The following DIDO1 variants were observed in gnomAD, a reference collection of about 807,000 sequenced individuals.
DIDO1 encodes the protein death-inducer obliterator 1.
In DIDO1, 16 loss-of-function variants were observed where a neutral mutation model predicts 99.4. The ratio of observed to expected loss-of-function variants is 0.16; its 90% CI spans 0.11 to 0.24. The LOEUF (loss-of-function observed/expected upper bound fraction) is 0.24. Ranked by LOEUF, DIDO1 falls within the 10% of genes least tolerant of loss-of-function variation. The pLI is 1.00. For synonymous variants in DIDO1, 1,366 were observed against 1,239.1 expected (o/e 1.10, Z -2.15); for missense variants, 2,996 against 3,014.0 (o/e 0.99, Z 0.14).
intron 15 of DIDO1, among the ~76,000 whole-genome samples, chr20:62,885,612 G>A (rs1405554612): frequency 6.6e-6 from 1 of 152,172 alleles, no homozygotes; most frequent in African/African-American, 2.4e-5. Flanking sequence ...AAACACTGGT[G>A]ACTGAATAAA....
Position 62,880,397 on chromosome 20 carries a change from C to T in DIDO1, c.5559G>A (p.Arg1853=), listed in dbSNP as rs750955915. 3.1e-6 allele frequency: 5 copies of T among 1,612,748 alleles called. No homozygotes were observed. Among genetic ancestry groups the T allele is most frequent in the Middle Eastern group, 1.6e-4 (1 of 6,082 alleles). ...EERKDPHGEK[R]EFQDAPYNEV... is the part of the protein sequence containing the mutation. ...CGTTATACGGGGCGTCCTGGAACTC[C>T]CTCTTCTCCCCATGGGGATCCTTGC... The change falls in exon 16 of 16, where the codon AGG becomes AGA. Residue 1853 remains arginine, a synonymous_variant. Coordinates refer to ENST00000395343, the MANE Select transcript of DIDO1 (RefSeq NM_001193369.2).
Position 62,894,402 on chromosome 20 carries a change from A to G in DIDO1, c.2572+11T>C. On this transcript the variant is annotated intron_variant, in intron 11 of 15. Transcript: ENST00000395343. The surrounding 1 kb of genome is among the most constrained non-coding windows in gnomAD (Gnocchi z 4.4). The stretch of plus-strand genomic sequence containing the variant: ...TCAGCTCCAAGGCTCCATCCCCTGC[A>G]CTGTGCTCACCTGTGCAAATTTTAC... 2 of 1,610,692 alleles carry G rather than the reference A, an allele frequency of 1.2e-6. No homozygotes were observed. The highest frequency in any genetic ancestry group is 1.7e-6 in the Non-Finnish European group (2 of 1,179,816).
intron 15 of DIDO1, chr20:62,887,152 G>A (rs953281004): frequency 1.0e-6 from 1 of 985,362 alleles, no homozygotes; most frequent in African/African-American, 1.7e-5. Context: ...AAAGCAAACA[G>A]GGGCCTAGGA....
rs771665308 is a variant in DIDO1 at position 62,882,287 on chromosome 20, C to T, written c.3669G>A (p.Ala1223=). 3.1e-6 allele frequency: 5 copies of T among 1,613,864 alleles called. No homozygotes were observed. The highest frequency in any genetic ancestry group is 2.7e-5 in the African/African-American group (2 of 74,910). Residue 1223 remains alanine, a synonymous_variant, in exon 16 of 16, where the codon GCG becomes GCA. Coordinates refer to ENST00000395343, the MANE Select transcript of DIDO1 (RefSeq NM_001193369.2). ...CTACTTTTGGATAGGCCGGAACGTC[C>T]GCTTCTTCCGGTTGAAGTCGGGTCC... The part of the protein sequence containing the change: ...EKRTRLQPEE[A]DVPAYPKVAT...
rs1384248873 is a variant in DIDO1, at chr20:62,880,009, C to T, written c.5947G>A (p.Ala1983Thr). ...CCACCAAACTGCAGGGGTGCAGGCG[C>T]CCTTTGGTTTGTGAATCTTGGTGGT... Reference protein sequence around the residue: ...HSPPRFTNQRAPAPLQFGGLR... With the variant: ...HSPPRFTNQRTPAPLQFGGLR... The change falls in exon 16 of 16, where the codon GCG becomes ACG. Residue 1983 changes from alanine to threonine, a missense_variant. Physicochemically the swap from Ala to Thr is moderately conservative, Grantham distance 58. This residue lies in a region of DIDO1 where 1,562 missense variants were observed against 1,412.6 expected (regional missense o/e 1.11). Transcript: ENST00000395343. 3.7e-6 allele frequency: 6 copies of T among 1,611,812 alleles called. No individual in the cohort carries two copies. Among genetic ancestry groups the T allele is most frequent in the Non-Finnish European group, 5.1e-6 (6 of 1,179,976 alleles).
intron 15 of DIDO1, 110 bp downstream of exon 15, chr20:62,890,850 T>C: frequency 6.3e-7 from 1 of 1,596,870 alleles, no homozygotes; most frequent in Non-Finnish European, 8.5e-7. Context: ...TGCTCCTAAC[T>C]CCTGCTCCCA....
chr20:62,935,677 A>G (rs1441642769), intron 1 of DIDO1, among the ~76,000 whole-genome samples: 3 of 152,234 alleles, frequency 2.0e-5, no homozygotes, highest in African/African-American at 4.8e-5. Context: ...AGCAGAGAGT[A>G]AGATCAGGAG....
At chr20:62,905,015 A>G in intron 6 of DIDO1, 1 of 988,990 alleles carries the variant, frequency 1.0e-6, no homozygotes, top group Non-Finnish European at 1.2e-6. Context: ...CTGAATTGAA[A>G]ATAGTTTTAT....
At chr20:62,898,181 A>G (rs1376085727) in intron 6 of DIDO1, among the ~76,000 whole-genome samples, 1 of 152,344 alleles carries the variant, frequency 6.6e-6, no homozygotes, top group African/African-American at 2.4e-5. Context: ...GCTTTCAATA[A>G]ATGAGGTAAG....
At position 62,879,626 on chromosome 20, in the gene DIDO1, G is replaced by T; in HGVS notation, c.6330C>A (p.Ser2110=). Residue 2110 remains serine, a synonymous_variant, in exon 16 of 16, where the codon TCC becomes TCA. Transcript: ENST00000395343. The surrounding 1 kb of genome is among the most constrained non-coding windows in gnomAD (Gnocchi z 6.3). ...LEEPDAQGRA[S]EDRRRERERG... is the part of the protein sequence containing the mutation. ...GCTCGCGCTCTCTCCTCCTGTCCTCGGACGCCCGGCCCTGGGCGTCGGGCT... is the reference window on the plus strand; with the variant it reads ...GCTCGCGCTCTCTCCTCCTGTCCTCTGACGCCCGGCCCTGGGCGTCGGGCT... 1 of 1,605,330 alleles carries T rather than the reference G, an allele frequency of 6.2e-7. No individual in the cohort carries two copies.
chr20:62,879,818 C>T lies in DIDO1; in HGVS notation c.6138G>A (p.Pro2046=). 1 of 1,609,166 alleles carries T rather than the reference C, an allele frequency of 6.2e-7. No individual in the cohort carries two copies. The highest frequency in any genetic ancestry group is 8.5e-7 in the Non-Finnish European group (1 of 1,178,808). ...GCGCACTGGAGGAGAGCGCGGAGGG[C>T]GGCCCGGCCTCCTCCCAGCGGTCCT... is the stretch of plus-strand genomic sequence containing the variant. The part of the protein sequence containing the change: ...HRKDRWEEAG[P]PSALSSSAPG... The change falls in exon 16 of 16, where the codon CCG becomes CCA. Residue 2046 remains proline (P), a synonymous_variant. Transcript: ENST00000395343. This position sits in a 1 kb window ranked among gnomAD's most constrained non-coding sequence, Gnocchi z 6.3.
Position 62,911,017 on chromosome 20 carries a change from T to C in DIDO1, c.596A>G (p.Glu199Gly). ...GTCACTGGCCTCGGAGCCCACAGTC[T>C]CGGCGGGACCCTCCTCCCGGCGCTT... ...RKKRREEGPAETVGSEASDTV... is the reference protein window; with the variant it reads ...RKKRREEGPAGTVGSEASDTV... The change falls in exon 3 of 16, where the codon GAG becomes GGG. Residue 199 changes from glutamate to glycine, a missense_variant. Glu to Gly is a moderately conservative substitution (Grantham distance 98). Coordinates refer to ENST00000395343, the MANE Select transcript of DIDO1 (RefSeq NM_001193369.2). This position sits in a 1 kb window ranked among gnomAD's most constrained non-coding sequence, Gnocchi z 7.0. 1 of 1,613,962 alleles carries C rather than the reference T, an allele frequency of 6.2e-7. No individual in the cohort carries two copies. The highest frequency in any genetic ancestry group is 8.5e-7 in the Non-Finnish European group (1 of 1,180,014).
Position 62,894,507 on chromosome 20 carries a change from T to C in DIDO1, c.2478A>G (p.Thr826=). Residue 826 remains threonine (T), a synonymous_variant, in exon 11 of 16, where the codon ACA becomes ACG. Transcript: ENST00000395343. The surrounding 1 kb of genome is among the most constrained non-coding windows in gnomAD (Gnocchi z 4.4). The part of the protein sequence containing the change: ...ESARAVPEKS[T]APLLDVFSSM... ...TGCTGAAGACGTCGAGAAGCGGCGCTGTGCTCTTCTCAGGGACAGCACGTG... is the reference window on the plus strand; with the variant it reads ...TGCTGAAGACGTCGAGAAGCGGCGCCGTGCTCTTCTCAGGGACAGCACGTG... 1 of 1,613,162 alleles carries C rather than the reference T, an allele frequency of 6.2e-7. No homozygotes were observed. The highest frequency in any genetic ancestry group is 1.1e-5 in the South Asian group (1 of 91,066).
chr20:62,921,166 G>A (rs566487595), intron 1 of DIDO1, among the ~76,000 whole-genome samples: 3 of 152,312 alleles, frequency 2.0e-5, no homozygotes, highest in South Asian at 4.1e-4. Context: ...AAAGTGCTAG[G>A]ATTACAGGCA....
At chr20:62,890,211 C>T (rs2064369877) in intron 15 of DIDO1, 11 of 985,936 alleles carry the variant, frequency 1.1e-5, no homozygotes, top group Non-Finnish European at 1.2e-5. Context: ...AACACCAATC[C>T]TCTGGGGACT....
intron 6 of DIDO1, among the ~76,000 whole-genome samples, chr20:62,904,419 G>C (rs1478665474): frequency 2.0e-5 from 3 of 152,160 alleles, no homozygotes; most frequent in African/African-American, 7.2e-5. Flanking sequence ...CTTAGGTCTA[G>C]GCTGTTTACA....
upstream of DIDO1, among the ~76,000 whole-genome samples, chr20:62,930,097 G>A (rs993314677): frequency 1.4e-4 from 22 of 151,984 alleles, no homozygotes; most frequent in African/African-American, 3.6e-4. Context: ...AAAATTAGCC[G>A]GGCGTGGTGG....
At position 62,880,096 on chromosome 20, in the gene DIDO1, T is replaced by C. The variant is rs764079449; in HGVS notation, c.5860A>G (p.Asn1954Asp). 5.0e-6 allele frequency: 8 copies of C among 1,612,354 alleles called. No individual in the cohort carries two copies. Among genetic ancestry groups the C allele is most frequent in the Non-Finnish European group, 5.9e-6 (7 of 1,180,008 alleles). Residue 1954 changes from asparagine to aspartate, a missense_variant, in exon 16 of 16, where the codon AAC (asparagine) becomes GAC (aspartate). Asn to Asp is a conservative substitution (Grantham distance 23). This residue lies in a region of DIDO1 where 1,562 missense variants were observed against 1,412.6 expected (regional missense o/e 1.11). Coordinates refer to ENST00000395343, the MANE Select transcript of DIDO1 (RefSeq NM_001193369.2). The stretch of plus-strand genomic sequence containing the variant: ...ATGCCCCTGGGACCTGGCATAAAGT[T>C]AGGCGCTTGGCCTCTGGGTCCTTCA... ...QFEGPRGQAPNFMPGPRGIQP... is the reference protein window; with the variant it reads ...QFEGPRGQAPDFMPGPRGIQP...
At chr20:62,908,909 A>T (rs2064865146) in intron 4 of DIDO1, among the ~76,000 whole-genome samples, 1 of 152,210 alleles carries the variant, frequency 6.6e-6, no homozygotes, top group Non-Finnish European at 1.5e-5. Context: ...AAAGCCAATG[A>T]CTTTTCTCAT....
Sources: gnomAD v4.1 joint callset for allele counts (sites outside exome capture counted in the v4.1 genomes callset) on GRCh38, gnomAD v4.1.1 for gene constraint, gnomAD v4.1.1 regional missense constraint, Gnocchi (gnomAD v3.1) non-coding constraint, MANE v1.5 for transcripts, NCBI Gene and HGNC (gene_info 2026-07-23, HGNC 2026-07-21) for gene names.